DLG2: variants seen among roughly 807,000 people sequenced by gnomAD.
DLG2 encodes disks large homolog 2.
A neutral mutation model predicts 132.5 loss-of-function variants in DLG2; 45 were observed. That is an observed-to-expected ratio of 0.34 (90% confidence interval 0.27 to 0.44). DLG2 has a LOEUF of 0.44. DLG2 is among the 20% of genes least tolerant of loss of function. DLG2 has a pLI of 1.00. For missense variants in DLG2, 1,045 were observed against 1,196.9 expected (o/e 0.87, Z 1.87); for synonymous variants, 424 against 419.6 (o/e 1.01, Z -0.13).
intron 9 of DLG2, among the ~76,000 whole-genome samples, chr11:84,114,650 G>A (rs986541055): frequency 1.3e-5 from 2 of 152,102 alleles, no homozygotes; most frequent in African/African-American, 4.8e-5. Context: ...TTAAAAGCAT[G>A]CACCCAGGTT....
chr11:83,743,555 C>T (rs1398884246), intron 18 of DLG2, among the ~76,000 whole-genome samples: 1 of 151,320 alleles, frequency 6.6e-6, no homozygotes, highest in African/African-American at 2.4e-5. Context: ...CACCTCAGTC[C>T]CCCAAGTAGC....
At chr11:85,201,546 A>G (rs982164714) in intron 4 of DLG2, among the ~76,000 whole-genome samples, 6 of 152,150 alleles carry the variant, frequency 3.9e-5, no homozygotes, top group African/African-American at 1.4e-4. Context: ...GCCCTTTAGT[A>G]CTGGGGTAGC....
intron 8 of DLG2, among the ~76,000 whole-genome samples, chr11:84,231,040 A>C (rs573501101): frequency 3.9e-5 from 6 of 152,262 alleles, no homozygotes; most frequent in African/African-American, 1.4e-4. Context: ...AATTAAACAC[A>C]CTAGCGTCTC....
chr11:84,902,412 T>C (rs1163171028), intron 6 of DLG2, among the ~76,000 whole-genome samples: 2 of 152,180 alleles, frequency 1.3e-5, no homozygotes, highest in African/African-American at 4.8e-5. Context: ...CATCATGTGG[T>C]AGCACTTATC....
chr11:83,907,716 G>A (rs2154107261), intron 15 of DLG2, among the ~76,000 whole-genome samples: 2 of 152,176 alleles, frequency 1.3e-5, no homozygotes, highest in African/African-American at 4.8e-5. Context: ...TGACACTACT[G>A]GTAAAGGAAG....
At chr11:83,475,291 A>T (rs2092500499) in intron 22 of DLG2, among the ~76,000 whole-genome samples, 1 of 152,042 alleles carries the variant, frequency 6.6e-6, no homozygotes, top group Non-Finnish European at 1.5e-5. Context: ...AGCCACTGTG[A>T]TGAAGGAGAG....
At chr11:84,662,387 C>A (rs1330617015) in intron 6 of DLG2, among the ~76,000 whole-genome samples, 5 of 152,048 alleles carry the variant, frequency 3.3e-5, no homozygotes, top group Admixed American at 6.5e-5. Flanking sequence ...GTTGGTCAGG[C>A]TGGTCTCGAA....
chr11:84,219,651 C>G (rs1373867643), intron 8 of DLG2, among the ~76,000 whole-genome samples: 1 of 152,100 alleles, frequency 6.6e-6, no homozygotes, highest in Non-Finnish European at 1.5e-5. Context: ...TTTTCTTTCC[C>G]TAGAAGGAGT....
intron 6 of DLG2, among the ~76,000 whole-genome samples, chr11:84,624,654 A>C (rs904480392): frequency 4.0e-5 from 6 of 151,562 alleles, no homozygotes; most frequent in Non-Finnish European, 7.4e-5. Context: ...ACTAGGGACT[A>C]AAGATTTACT....
chr11:85,559,861 G>GATAGAA lies in DLG2; in HGVS notation c.40+38795_40+38796insTTCTAT, dbSNP rs1565685540. Among the ~76,000 whole-genome samples the GATAGAA allele has an allele frequency of 2.3e-5, 3 of 130,178 alleles. No individual in the cohort carries two copies. In the East Asian group the frequency reaches 6.9e-4, roughly 30 times the overall value. 85.4% of individuals were successfully genotyped at this position (130,178 alleles called of 152,430 possible). ...ATAGATAGATAGATAGATAGATAGAGATAAATATCCCTGGTGTAAAGTGTG... is the reference window on the plus strand; with the variant it reads ...ATAGATAGATAGATAGATAGATAGAGATAGAAATAAATATCCCTGGTGTAAAGTGTG... On this transcript the variant is annotated intron_variant, in intron 3 of 27. Coordinates refer to ENST00000376104, the MANE Select transcript of DLG2 (RefSeq NM_001142699.3).
At chr11:85,037,232 C>T (rs959496119) in intron 6 of DLG2, among the ~76,000 whole-genome samples, 3 of 152,112 alleles carry the variant, frequency 2.0e-5, no homozygotes, top group African/African-American at 4.8e-5. Flanking sequence ...AACATCATAT[C>T]GTCACAGTCT....
chr11:85,044,120 C>T (rs1008430542), intron 6 of DLG2, among the ~76,000 whole-genome samples: 9 of 152,096 alleles, frequency 5.9e-5, no homozygotes, highest in African/African-American at 2.2e-4. Flanking sequence ...TCTTGTTTCA[C>T]TTAGTAACTT....
At chr11:83,738,335 AT>A (rs530858705) in intron 18 of DLG2, among the ~76,000 whole-genome samples, 40 of 149,998 alleles carry the variant, frequency 2.7e-4, no homozygotes, top group South Asian at 4.3e-4. Context: ...CACAGCCAAG[AT>A]TTTTTTTTTC....
At position 84,967,298 on chromosome 11, in the gene DLG2, T is replaced by G. The variant is rs564681946; in HGVS notation, c.357+144363A>C. Among the ~76,000 whole-genome samples, 126 of 152,262 alleles carry G rather than the reference T, an allele frequency of 8.3e-4. 1 individual carries two copies. Among genetic ancestry groups the G allele is most frequent in the African/African-American group, 2.8e-3 (117 of 41,574 alleles). On this transcript the variant is annotated intron_variant, in intron 6 of 27. Transcript: ENST00000376104. ...GAAAGGTCATTTCATAAATGAAATA[T>G]GCTGGTTGCCAGTGAAAAATTACTC...
rs3039336 is a variant in DLG2, at chr11:83,558,848, C to CGTGTGTGTGTGTGTGTGT, written c.1941-17008_1941-16991dup. Among the ~76,000 whole-genome samples the CGTGTGTGTGTGTGTGTGT allele has an allele frequency of 6.5e-3, 920 of 142,296 alleles. 6 individuals are homozygous for CGTGTGTGTGTGTGTGTGT. The highest frequency in any genetic ancestry group is 0.018 in the Middle Eastern group (5 of 274). 93.4% of individuals were successfully genotyped at this position (142,296 alleles called of 152,430 possible). A position where few individuals can be genotyped will look rare whatever the true frequency, so the allele number is the denominator to read the frequency against. On this transcript the variant is annotated intron_variant, in intron 19 of 27. Coordinates refer to ENST00000376104, the MANE Select transcript of DLG2 (RefSeq NM_001142699.3). ...CCCGGTAAAAAACAGTGCTAGATGT[C>CGTGTGTGTGTGTGTGTGT]GTGTGTGTGTGTGTGTGTGTGTGTG... is the stretch of plus-strand genomic sequence containing the variant.
intron 9 of DLG2, among the ~76,000 whole-genome samples, chr11:84,136,139 G>A (rs1427556256): frequency 6.6e-6 from 1 of 152,030 alleles, no homozygotes; most frequent in African/African-American, 2.4e-5. Context: ...CTCTATCCCT[G>A]GCTTTTTCAT....
At chr11:84,546,415 G>A (rs961376676) in intron 6 of DLG2, 1 of 225,800 alleles carries the variant, frequency 4.4e-6, no homozygotes, top group African/African-American at 2.3e-5. Context: ...GGCACAGACT[G>A]AAAGAACCAT....
At chr11:83,659,809 T>G (rs1479721259) in intron 18 of DLG2, among the ~76,000 whole-genome samples, 1 of 152,230 alleles carries the variant, frequency 6.6e-6, no homozygotes, top group South Asian at 2.1e-4. Flanking sequence ...TGTATTATAT[T>G]GTATTGATCT....
chr11:83,997,977 C>CA (rs200794167), intron 11 of DLG2, among the ~76,000 whole-genome samples: 2,777 of 149,728 alleles, frequency 0.019, 80 homozygotes, highest in South Asian at 0.062. Flanking sequence ...ACTAAAAATA[C>CA]AAAAAAAATT....
Sources: gnomAD v4.1 joint callset for allele counts (sites outside exome capture counted in the v4.1 genomes callset) on GRCh38, gnomAD v4.1.1 for gene constraint, MANE v1.5 for transcripts, NCBI Gene and HGNC (gene_info 2026-07-23, HGNC 2026-07-21) for gene names.